RBFOX1: variants seen among roughly 807,000 people sequenced by gnomAD.
RBFOX1 encodes RNA binding fox-1 homolog 1, also known as RNA binding protein fox-1 homolog 1.
A neutral mutation model predicts 57.7 loss-of-function variants in RBFOX1; 8 were observed. The observed-to-expected ratio is 0.14, with a 90% confidence interval of 0.08 to 0.25. The LOEUF is 0.25. Among genes scored for constraint, RBFOX1 ranks in the 10% least tolerant of loss-of-function variants. The pLI, the probability that RBFOX1 is intolerant of heterozygous loss-of-function variation, is 1.00. For missense variants in RBFOX1, 611 were observed against 548.5 expected (o/e 1.11, Z -1.14); for synonymous variants, 326 against 222.4 (o/e 1.47, Z -4.15).
intron 1 of RBFOX1, among the ~76,000 whole-genome samples, chr16:6,140,044 C>A (rs188727642): frequency 0.014 from 2,122 of 152,250 alleles, 59 homozygotes; most frequent in African/African-American, 0.048. Flanking sequence ...CTTCTCCCCA[C>A]GTTTTCCCTT....
chr16:6,142,691 G>T (rs2152704706), intron 1 of RBFOX1, among the ~76,000 whole-genome samples: 1 of 152,292 alleles, frequency 6.6e-6, no homozygotes, highest in Non-Finnish European at 1.5e-5. Flanking sequence ...GAGTGAATGA[G>T]GAATCCATTT....
Position 7,196,935 on chromosome 16 carries a change from G to A in RBFOX1, c.27+144837G>A, listed in dbSNP as rs116864452. On this transcript the variant is annotated intron_variant, in intron 4 of 15. Transcript: ENST00000550418. Reference sequence around the variant, plus strand: ...GAGTGGTGTGCAGAGGGGAAGTTGGGTTATCTGAAATATATAAATCCAGTG... The same window carrying A: ...GAGTGGTGTGCAGAGGGGAAGTTGGATTATCTGAAATATATAAATCCAGTG... Among the ~76,000 whole-genome samples, 34 of 152,294 alleles carry A rather than the reference G, an allele frequency of 2.2e-4. No homozygotes were observed. The East Asian group carries it at 5.8e-3, about 26-fold the overall frequency.
intron 3 of RBFOX1, among the ~76,000 whole-genome samples, chr16:6,689,694 C>G (rs2059934906): frequency 6.6e-6 from 1 of 152,158 alleles, no homozygotes; most frequent in Non-Finnish European, 1.5e-5. Context: ...ACTTTGGTGA[C>G]ATGTCCGTCA....
intron 3 of RBFOX1, among the ~76,000 whole-genome samples, chr16:6,938,084 A>G (rs555880790): frequency 6.6e-6 from 1 of 152,188 alleles, no homozygotes; most frequent in East Asian, 1.9e-4. Flanking sequence ...CTTGCTTTTT[A>G]GAAGAAACTG....
intron 3 of RBFOX1, among the ~76,000 whole-genome samples, chr16:5,696,572 C>T (rs1207558791): frequency 2.0e-5 from 3 of 152,208 alleles, no homozygotes; most frequent in Admixed American, 1.3e-4. Flanking sequence ...CTAAAACCAT[C>T]TCCAGAATGC....
chr16:6,872,767 T>G (rs750532160), intron 3 of RBFOX1, among the ~76,000 whole-genome samples: 2 of 152,022 alleles, frequency 1.3e-5, no homozygotes, highest in Non-Finnish European at 2.9e-5. Flanking sequence ...TGCAAAAAAA[T>G]AAAATAACTG....
chr16:7,255,451 T>C (rs1441231305), intron 4 of RBFOX1, among the ~76,000 whole-genome samples: 2 of 152,260 alleles, frequency 1.3e-5, no homozygotes, highest in Non-Finnish European at 2.9e-5. Flanking sequence ...TGCAACATTA[T>C]TTAATGTTTA....
chr16:6,351,302 A>G (rs2086301799), intron 2 of RBFOX1, among the ~76,000 whole-genome samples: 1 of 147,876 alleles, frequency 6.8e-6, no homozygotes, highest in African/African-American at 2.5e-5. Flanking sequence ...AATATTGTAT[A>G]CATAAAATAT....
In RBFOX1 at chr16:5,374,112, GT is replaced by G. The variant is rs768841828; in HGVS notation, c.220-93099del. ...GCCATCATGTGCGGCTAATTTTTGT[GT>G]TTTTAGTAGAGACAGGGTTTCACCA... is the stretch of plus-strand genomic sequence containing the variant. On this transcript the variant is annotated intron_variant, in intron 1 of 2. Coordinates refer to the RBFOX1 transcript ENST00000585867. Among the ~76,000 whole-genome samples the G allele has an allele frequency of 6.0e-4, 92 of 152,172 alleles. No individual in the cohort carries two copies. The East Asian group carries it at 0.017, about 29-fold the overall frequency.
At chr16:6,811,095 C>G (rs747926607) in intron 3 of RBFOX1, among the ~76,000 whole-genome samples, 1 of 152,174 alleles carries the variant, frequency 6.6e-6, no homozygotes, top group South Asian at 2.1e-4. Flanking sequence ...GATGTTGTGG[C>G]TGAGATACCT....
chr16:6,674,052 G>A (rs1390386360), intron 3 of RBFOX1, among the ~76,000 whole-genome samples: 1 of 152,086 alleles, frequency 6.6e-6, no homozygotes, highest in Non-Finnish European at 1.5e-5. Flanking sequence ...GATTACCCTA[G>A]GAAATAAGTA....
chr16:6,481,934 C>T (rs1325245084), intron 2 of RBFOX1, among the ~76,000 whole-genome samples: 1 of 152,062 alleles, frequency 6.6e-6, no homozygotes, highest in Non-Finnish European at 1.5e-5. Context: ...AAAAAAATCC[C>T]TCCTCGTTTT....
intron 1 of RBFOX1, among the ~76,000 whole-genome samples, chr16:5,405,143 T>C (rs1567459006): frequency 6.6e-6 from 1 of 152,214 alleles, no homozygotes; most frequent in Middle Eastern, 3.2e-3. Context: ...CCTTGGCTCA[T>C]AGGGCTCCTC....
At chr16:6,487,700 AAT>A (rs1277585706) in intron 2 of RBFOX1, among the ~76,000 whole-genome samples, 93 of 16,266 alleles carry the variant, frequency 5.7e-3, no homozygotes, top group South Asian at 0.014. Flanking sequence ...AAAAAAAAAA[AAT>A]ATATATATAT....
intron 2 of RBFOX1, among the ~76,000 whole-genome samples, chr16:6,386,528 T>C (rs2092294440): frequency 6.6e-6 from 1 of 152,142 alleles, no homozygotes; most frequent in Non-Finnish European, 1.5e-5. Flanking sequence ...CTTTTCGAGC[T>C]TATATTTGGT....
intron 3 of RBFOX1, among the ~76,000 whole-genome samples, chr16:6,823,344 C>A (rs952479053): frequency 3.2e-4 from 48 of 152,042 alleles, no homozygotes; most frequent in African/African-American, 1.2e-3. Context: ...GCAACCTCCA[C>A]CTCTTGGATT....
intron 1 of RBFOX1, among the ~76,000 whole-genome samples, chr16:6,107,690 T>C (rs1218405050): frequency 1.1e-5 from 1 of 91,308 alleles, no homozygotes; most frequent in Non-Finnish European, 2.1e-5. Context: ...GATAGGTGGG[T>C]GGGTGGGTGA....
intron 4 of RBFOX1, among the ~76,000 whole-genome samples, chr16:5,989,164 A>T (rs2060339178): frequency 6.6e-6 from 1 of 151,668 alleles, no homozygotes; most frequent in African/African-American, 2.4e-5. Context: ...ACTAAAAAAA[A>T]AAAAAAAATA....
rs1567216210 is a variant in RBFOX1 at position 6,780,348 on chromosome 16, T to G, written c.-16+125698T>G. On this transcript the variant is annotated intron_variant, in intron 3 of 15. Coordinates refer to ENST00000550418, the MANE Select transcript of RBFOX1 (RefSeq NM_018723.4). The stretch of plus-strand genomic sequence containing the variant: ...TTATATATATTTATACATATTTATA[T>G]ACATATTTATATACATATTTATAGA... 1.0e-3 allele frequency among the ~76,000 whole-genome samples: 102 copies of G among 99,136 alleles called. 2 individuals are homozygous for G. The highest frequency in any genetic ancestry group is 2.5e-3 in the African/African-American group (56 of 22,014). The allele number at this position is 99,136 out of a possible 152,430, so 65.0% of individuals were successfully genotyped here. A position where few individuals can be genotyped will look rare whatever the true frequency, so the allele number is the denominator to read the frequency against.
Sources: allele counts gnomAD v4.1 joint callset (sites outside exome capture counted in the v4.1 genomes callset), GRCh38; gene constraint gnomAD v4.1.1; transcripts MANE v1.5; gene names NCBI Gene and HGNC (gene_info 2026-07-23, HGNC 2026-07-21).